Variants in ME3 observed in about 807,000 individuals in gnomAD.
ME3 encodes the protein NADP-dependent malic enzyme, mitochondrial.
Under a neutral mutation model 68.9 loss-of-function variants are expected in ME3, and 48 were observed. That is an observed-to-expected ratio of 0.70 (90% CI 0.55 to 0.89). The LOEUF (loss-of-function observed/expected upper bound fraction) is 0.89. Ranked by LOEUF, ME3 falls within the 40% of genes least tolerant of loss-of-function variation. The probability of loss-of-function intolerance (pLI) is 0.00; values close to 1 mark genes in which losing one functional copy is unlikely to be tolerated. For synonymous variants in ME3, 320 were observed against 318.8 expected, an observed-to-expected ratio of 1.00 and a Z score of -0.04; for missense variants, 675 against 797.4, an observed-to-expected ratio of 0.85 and a Z score of 1.85.
intron 4 of ME3, among the ~76,000 whole-genome samples, chr11:86,548,670 T>C (rs1248546629): frequency 1.3e-5 from 2 of 152,224 alleles, no homozygotes; most frequent in Admixed American, 1.3e-4. Flanking sequence ...GTAGCCACAG[T>C]GCTCTAATCT....
chr11:86,638,028 T>G (rs985055643), intron 2 of ME3, among the ~76,000 whole-genome samples: 1 of 150,042 alleles, frequency 6.7e-6, no homozygotes, highest in Non-Finnish European at 1.5e-5. Flanking sequence ...GTTCTGTCTT[T>G]ACTATGGCAC....
At chr11:86,608,112 A>G (rs1439582757) in intron 2 of ME3, among the ~76,000 whole-genome samples, 1 of 152,208 alleles carries the variant, frequency 6.6e-6, no homozygotes, top group African/African-American at 2.4e-5. Context: ...AGAAACCAAA[A>G]AACAAAGCCA....
intron 2 of ME3, among the ~76,000 whole-genome samples, chr11:86,642,817 G>T (rs973740492): frequency 6.6e-6 from 1 of 152,082 alleles, no homozygotes; most frequent in Non-Finnish European, 1.5e-5. Flanking sequence ...TTTATTAATA[G>T]TTAATTTATT....
At chr11:86,497,148 T>G (rs1952390406) in intron 6 of ME3, among the ~76,000 whole-genome samples, 2 of 152,026 alleles carry the variant, frequency 1.3e-5, no homozygotes, top group South Asian at 4.2e-4. Flanking sequence ...CACACCTAGC[T>G]CATTTTTGTA....
At chr11:86,630,719 C>A (rs868392457) in intron 2 of ME3, among the ~76,000 whole-genome samples, 2 of 152,350 alleles carry the variant, frequency 1.3e-5, no homozygotes, top group African/African-American at 4.8e-5. Context: ...CCAGCGTCTC[C>A]TCAGAAGCTG....
At position 86,628,836 on chromosome 11, in the gene ME3, C is replaced by T. The variant is rs75580646; in HGVS notation, c.183+42926G>A. On this transcript the variant is annotated intron_variant, in intron 2 of 14. Coordinates refer to ENST00000543262, the Ensembl canonical transcript of ME3. ...GCCTGTGAGCCTCAGTTTTATAGTC[C>T]TCATTACAGAAAAGTCTATGAGGAA... is the stretch of plus-strand genomic sequence containing the variant. 8.5e-5 allele frequency among the ~76,000 whole-genome samples: 13 copies of T among 152,240 alleles called. No individual in the cohort carries two copies. In the East Asian group the frequency reaches 1.9e-3, roughly 23 times the overall value.
chr11:86,567,941 G>T (rs1295149168), intron 2 of ME3, among the ~76,000 whole-genome samples: 1 of 152,132 alleles, frequency 6.6e-6, no homozygotes, highest in East Asian at 1.9e-4. Context: ...AAAAGTCATG[G>T]GGTATATGAG....
At chr11:86,619,804 C>G (rs932390278) in intron 2 of ME3, among the ~76,000 whole-genome samples, 8 of 152,074 alleles carry the variant, frequency 5.3e-5, no homozygotes, top group African/African-American at 1.7e-4. Flanking sequence ...AACATGATAC[C>G]TTTTAGAAGT....
chr11:86,448,083 C>G (rs990300943), intron 11 of ME3, 67 bp downstream of exon 11: 5 of 1,149,406 alleles, frequency 4.4e-6, no homozygotes, highest in Admixed American at 1.8e-5. Flanking sequence ...AGCTGAGCCT[C>G]TGTCTCTCCA....
At chr11:86,463,104 C>T (rs1447822241) in intron 8 of ME3, among the ~76,000 whole-genome samples, 1 of 152,118 alleles carries the variant, frequency 6.6e-6, no homozygotes, top group African/African-American at 2.4e-5. Context: ...CTCAGAGGCA[C>T]ATTATCGCAG....
intron 2 of ME3, among the ~76,000 whole-genome samples, chr11:86,636,538 T>G (rs1449244144): frequency 2.0e-5 from 3 of 152,154 alleles, no homozygotes; most frequent in Non-Finnish European, 4.4e-5. Context: ...CAGACACACA[T>G]GACAGCCTGC....
chr11:86,436,499 A>G (rs1404322672), downstream of ME3: 1 of 151,968 alleles, frequency 6.6e-6, no homozygotes, highest in Non-Finnish European at 1.5e-5. Flanking sequence ...CAAAGTGCAA[A>G]ATTTTAAATT....
intron 6 of ME3, among the ~76,000 whole-genome samples, chr11:86,490,129 G>C (rs577503162): frequency 1.3e-5 from 2 of 152,284 alleles, no homozygotes; most frequent in African/African-American, 4.8e-5. Context: ...TCATATCACT[G>C]TATTAGGTGT....
chr11:86,469,467 C>T (rs886478829), intron 7 of ME3, among the ~76,000 whole-genome samples: 1 of 152,194 alleles, frequency 6.6e-6, no homozygotes, highest in African/African-American at 2.4e-5. Flanking sequence ...GGCAGGACCC[C>T]TCCCAAGAAG....
At chr11:86,466,830 T>C (rs1950506128) in intron 7 of ME3, among the ~76,000 whole-genome samples, 2 of 152,070 alleles carry the variant, frequency 1.3e-5, no homozygotes, top group Non-Finnish European at 2.9e-5. Context: ...GTGCTTAGAG[T>C]GCTGGGCGTG....
rs541967201 is a variant in ME3 at position 86,508,685 on chromosome 11, C to T, written c.543+107G>A. ...TGGCTTAGGAATGGGAGGTAGTATGCTGCCTTCAGTGTCATAATGGCTCAT... is the reference window on the plus strand; with the variant it reads ...TGGCTTAGGAATGGGAGGTAGTATGTTGCCTTCAGTGTCATAATGGCTCAT... On this transcript the variant is annotated intron_variant, in intron 5 of 14. Transcript: ENST00000543262. 1,438 of 1,002,848 alleles carry T rather than the reference C, an allele frequency of 1.4e-3. 37 individuals carry two copies. In the South Asian group the frequency reaches 0.02, roughly 14 times the overall value. 62.1% of individuals were successfully genotyped at this position (1,002,848 alleles called of 1,614,324 possible). A position where few individuals can be genotyped will look rare whatever the true frequency, so the allele number is the denominator to read the frequency against.
At chr11:86,578,778 T>G (rs1428456572) in intron 2 of ME3, among the ~76,000 whole-genome samples, 1 of 152,110 alleles carries the variant, frequency 6.6e-6, no homozygotes, top group Admixed American at 6.5e-5. Flanking sequence ...TGGACTGAAT[T>G]TGTAACAACT....
chr11:86,555,063 T>C (rs916468932), intron 4 of ME3, among the ~76,000 whole-genome samples: 1 of 152,048 alleles, frequency 6.6e-6, no homozygotes, highest in Non-Finnish European at 1.5e-5. Flanking sequence ...AGAATTGTGA[T>C]GAGTGGAGAC....
In ME3 at chr11:86,446,886, T is replaced by G. The variant is rs1264682355; in HGVS notation, c.1380+179A>C. Reference sequence around the variant, plus strand: ...AGAACTTGGGCTTTGGAGTCAGACCTGGGTTTGACAGCCAGCTCCACTCCT... The same window carrying G: ...AGAACTTGGGCTTTGGAGTCAGACCGGGGTTTGACAGCCAGCTCCACTCCT... On this transcript the variant is annotated intron_variant, in intron 12 of 14. Coordinates refer to ENST00000543262, the Ensembl canonical transcript of ME3. 1.6e-5 allele frequency: 13 copies of G among 827,532 alleles called. No individual in the cohort carries two copies. The East Asian group carries it at 3.5e-4, about 22-fold the overall frequency. The allele number at this position is 827,532 out of a possible 1,614,324, so 51.3% of individuals were successfully genotyped here.
Sources: allele counts gnomAD v4.1 joint callset (sites outside exome capture counted in the v4.1 genomes callset), GRCh38; gene constraint gnomAD v4.1.1; transcripts MANE v1.5; gene names NCBI Gene and HGNC (gene_info 2026-07-23, HGNC 2026-07-21).